Variants in DUSP22 observed in about 807,000 individuals in gnomAD.
DUSP22 encodes the protein dual specificity protein phosphatase 22.
DUSP22 carries 24 observed loss-of-function variants against 24.5 expected under a neutral mutation model. That is an observed-to-expected ratio of 0.98 (90% CI 0.71 to 1.38). DUSP22 has a LOEUF of 1.38. Among genes scored for constraint, DUSP22 ranks in the 40% most tolerant of loss-of-function variants. DUSP22 has a pLI of 0.00. For synonymous variants in DUSP22, 160 were observed against 106.4 expected (o/e 1.50, Z -3.10); for missense variants, 330 against 269.2 (o/e 1.23, Z -1.58).
intron 5 of DUSP22, among the ~76,000 whole-genome samples, chr6:347,606 G>A (rs907975778): frequency 7.9e-5 from 12 of 152,422 alleles, no homozygotes; most frequent in East Asian, 7.7e-4. Flanking sequence ...GAGTACAAAA[G>A]TAAGATTGGG....
chr6:347,523 C>G (rs1483767126), intron 5 of DUSP22, among the ~76,000 whole-genome samples: 1 of 152,302 alleles, frequency 6.6e-6, no homozygotes, highest in African/African-American at 2.4e-5. Flanking sequence ...CCGTTACTGC[C>G]TGCAAGGGTG....
chr6:304,528 C>T, intron 1 of DUSP22, 100 bp from the exon 2 acceptor site: 1 of 1,558,910 alleles, frequency 6.4e-7, no homozygotes, highest in African/African-American at 1.3e-5. Flanking sequence ...GGGGAAGCAC[C>T]TGGCCTTTGC....
chr6:308,908 T>C (rs1171743505), intron 2 of DUSP22, among the ~76,000 whole-genome samples: 1 of 152,312 alleles, frequency 6.6e-6, no homozygotes, highest in Non-Finnish European at 1.5e-5. Flanking sequence ...TCAGATGAGC[T>C]GGCGCCATCA....
chr6:300,666 A>C (rs902044010), intron 1 of DUSP22, among the ~76,000 whole-genome samples: 2 of 152,296 alleles, frequency 1.3e-5, no homozygotes, highest in African/African-American at 4.8e-5. Context: ...TGGTCCTAGC[A>C]GGGCGGGTAG....
At chr6:305,478 C>T (rs530398729) in intron 2 of DUSP22, among the ~76,000 whole-genome samples, 191 of 152,352 alleles carry the variant, frequency 1.3e-3, no homozygotes, top group African/African-American at 4.4e-3. Flanking sequence ...TTTAAGTCAC[C>T]TGGGAAACAA....
intron 3 of DUSP22, among the ~76,000 whole-genome samples, chr6:329,732 A>G (rs1246828579): frequency 5.3e-5 from 8 of 152,294 alleles, no homozygotes; most frequent in African/African-American, 1.9e-4. Flanking sequence ...GATTGCAGGC[A>G]TGAGCCACCA....
chr6:313,872 T>C (rs986099618), intron 3 of DUSP22, among the ~76,000 whole-genome samples: 1 of 152,304 alleles, frequency 6.6e-6, no homozygotes, highest in African/African-American at 2.4e-5. Flanking sequence ...CAAAAGTTAT[T>C]TGAATTGGTG....
At chr6:340,111 T>A (rs1759538586) in intron 4 of DUSP22, among the ~76,000 whole-genome samples, 1 of 152,310 alleles carries the variant, frequency 6.6e-6, no homozygotes, top group African/African-American at 2.4e-5. Flanking sequence ...TTGTAGTAAG[T>A]GGTAGAGAGG....
intron 5 of DUSP22, among the ~76,000 whole-genome samples, chr6:347,541 C>T (rs999705735): frequency 5.9e-5 from 9 of 152,286 alleles, no homozygotes; most frequent in Non-Finnish European, 1.0e-4. Context: ...GTGCCTTGCT[C>T]CCACCCTGCG....
chr6:313,721 A>C (rs1293783555), intron 3 of DUSP22, among the ~76,000 whole-genome samples: 1 of 152,304 alleles, frequency 6.6e-6, no homozygotes, highest in African/African-American at 2.4e-5. Flanking sequence ...TTGTTATGCC[A>C]CTGTTTTGTA....
intron 4 of DUSP22, among the ~76,000 whole-genome samples, chr6:343,402 G>GGGCAGC (rs1759703768): frequency 4.3e-4 from 65 of 152,362 alleles, no homozygotes; most frequent in African/African-American, 1.5e-3. Flanking sequence ...GGCTGCAGGG[G>GGGCAGC]TGCAGCTGGA....
intron 3 of DUSP22, among the ~76,000 whole-genome samples, chr6:331,286 G>C (rs1759128774): frequency 6.6e-6 from 1 of 152,306 alleles, no homozygotes. Flanking sequence ...GCTACAGGAA[G>C]ACAACCCATT....
rs1759298511 is a variant in DUSP22, at chr6:334,984, A to G, written c.139-130A>G. 2.2e-5 allele frequency: 25 copies of G among 1,117,028 alleles called. No individual in the cohort carries two copies. In the South Asian group the frequency reaches 3.9e-4, roughly 18 times the overall value. The allele number at this position is 1,117,028 out of a possible 1,614,324, so 69.2% of individuals were successfully genotyped here. A position where few individuals can be genotyped will look rare whatever the true frequency, so the allele number is the denominator to read the frequency against. On this transcript the variant is annotated intron_variant, in intron 3 of 6. Transcript: ENST00000419235. ...AGTTTTTCTGCAGTTCCTTGGCAAC[A>G]AAAGATGAGTGAAAAACTTCTCCTT...
intron 6 of DUSP22, 163 bp downstream of exon 6, chr6:348,437 A>G (rs1759994506): frequency 8.3e-7 from 1 of 1,204,850 alleles, no homozygotes; most frequent in Non-Finnish European, 1.1e-6. Context: ...AGTCGTCACG[A>G]TCCCTCGTGC....
Position 338,509 on chromosome 6 carries a change from A to G in DUSP22, c.188+3346A>G, listed in dbSNP as rs529245015. On this transcript the variant is annotated intron_variant, in intron 4 of 6. Transcript: ENST00000419235. ...CTGACAATCAACTTTTGCTTTCTGT[A>G]TCATCAACCAATGAGGATGGTCAGA... 3.9e-5 allele frequency among the ~76,000 whole-genome samples: 6 copies of G among 152,414 alleles called. No homozygotes were observed. The East Asian group carries it at 9.6e-4, about 24-fold the overall frequency.
At chr6:331,631 G>C (rs998382896) in intron 3 of DUSP22, among the ~76,000 whole-genome samples, 1 of 152,306 alleles carries the variant, frequency 6.6e-6, no homozygotes, top group Non-Finnish European at 1.5e-5. Context: ...AAGTGGGCCA[G>C]CTTTCTTGTG....
intron 4 of DUSP22, among the ~76,000 whole-genome samples, chr6:336,354 C>G (rs1391284458): frequency 6.6e-6 from 1 of 152,304 alleles, no homozygotes; most frequent in African/African-American, 2.4e-5. Flanking sequence ...TCTGGATTCC[C>G]CTTTTATGCC....
chr6:323,476 T>C (rs1274163859), intron 3 of DUSP22, among the ~76,000 whole-genome samples: 1 of 152,310 alleles, frequency 6.6e-6, no homozygotes, highest in Non-Finnish European at 1.5e-5. Context: ...ATCTGAAATC[T>C]GAGTTAGAGC....
chr6:343,069 G>T (rs372715189), intron 4 of DUSP22, among the ~76,000 whole-genome samples: 1 of 152,304 alleles, frequency 6.6e-6, no homozygotes, highest in Admixed American at 6.5e-5. Context: ...CGGCCTGGCT[G>T]TAATGGGTGT....
Sources: gnomAD v4.1 joint callset for allele counts (sites outside exome capture counted in the v4.1 genomes callset) on GRCh38, gnomAD v4.1.1 for gene constraint, MANE v1.5 for transcripts, NCBI Gene and HGNC (gene_info 2026-07-23, HGNC 2026-07-21) for gene names.